CDH12: variants seen among roughly 807,000 people sequenced by gnomAD.
CDH12 encodes the protein cadherin-12.
CDH12 carries 41 observed loss-of-function variants against 74.1 expected under a neutral mutation model. The observed-to-expected ratio is 0.55, with a 90% CI of 0.43 to 0.72. The LOEUF (loss-of-function observed/expected upper bound fraction) is 0.72, where lower values mean the gene tolerates loss of function less well. Ranked by LOEUF, CDH12 falls within the 30% of genes least tolerant of loss-of-function variation. The pLI is 0.00. For synonymous variants in CDH12, 399 were observed against 355.0 expected, an observed-to-expected ratio of 1.12 and a Z score of -1.39; for missense variants, 945 against 977.2, an observed-to-expected ratio of 0.97 and a Z score of 0.44.
intron 1 of CDH12, among the ~76,000 whole-genome samples, chr5:22,632,457 TAA>T (rs960873913): frequency 6.6e-6 from 1 of 151,718 alleles, no homozygotes; most frequent in African/African-American, 2.4e-5. Flanking sequence ...AGAGCAACAA[TAA>T]AGAGATATGA....
intron 4 of CDH12, chr5:22,152,008 G>A (rs1335418177): frequency 1.3e-5 from 2 of 151,906 alleles, no homozygotes; most frequent in Admixed American, 6.6e-5. Flanking sequence ...TAAGCACATA[G>A]CTAACTCCAG....
At chr5:22,388,568 T>G (rs1209709226) in intron 3 of CDH12, among the ~76,000 whole-genome samples, 1 of 152,162 alleles carries the variant, frequency 6.6e-6, no homozygotes, top group Admixed American at 6.5e-5. Flanking sequence ...CATTCATTAT[T>G]TTTTGATAAC....
chr5:22,005,979 G>T (rs1179020850), intron 5 of CDH12, among the ~76,000 whole-genome samples: 7 of 152,060 alleles, frequency 4.6e-5, no homozygotes, highest in African/African-American at 1.7e-4. Flanking sequence ...CTATGGAAAA[G>T]CTTTCTATCC....
At chr5:22,342,107 C>A (rs1739877774) in intron 3 of CDH12, among the ~76,000 whole-genome samples, 1 of 152,040 alleles carries the variant, frequency 6.6e-6, no homozygotes, top group Non-Finnish European at 1.5e-5. Flanking sequence ...GGTCTCAGCT[C>A]TCTTCCTCTT....
chr5:22,843,056 G>A (rs1380935720), intron 1 of CDH12, among the ~76,000 whole-genome samples: 1 of 151,834 alleles, frequency 6.6e-6, no homozygotes, highest in Non-Finnish European at 1.5e-5. Flanking sequence ...ACTTTTCTTG[G>A]CATTAAAGAA....
chr5:22,437,455 C>A (rs1231717201), intron 2 of CDH12, among the ~76,000 whole-genome samples: 3 of 151,106 alleles, frequency 2.0e-5, no homozygotes, highest in African/African-American at 4.9e-5. Context: ...TTAGCGGCCA[C>A]ATTACAACAA....
chr5:22,154,502 CATATATATGT>C (rs1747881794), intron 4 of CDH12, among the ~76,000 whole-genome samples: 1 of 3,446 alleles, frequency 2.9e-4, no homozygotes, highest in African/African-American at 1.0e-3. Context: ...TATATGTACA[CATATATATGT>C]ACACATATAT....
At chr5:22,526,126 G>T (rs1737265504) in intron 1 of CDH12, among the ~76,000 whole-genome samples, 1 of 151,984 alleles carries the variant, frequency 6.6e-6, no homozygotes, top group Admixed American at 6.6e-5. Context: ...TCTATTATAT[G>T]TTAGTCTACT....
Position 22,026,136 on chromosome 5 carries a change from G to T in CDH12, c.232-50751C>A, listed in dbSNP as rs149893153. Among the ~76,000 whole-genome samples the T allele has an allele frequency of 1.6e-3, 238 of 152,204 alleles. 2 individuals are homozygous for T. Among genetic ancestry groups the T allele is most frequent in the Admixed American group, 0.01 (153 of 15,264 alleles). On this transcript the variant is annotated intron_variant, in intron 5 of 14. Transcript: ENST00000382254. ...TGGAATGGTGATTCCTATCCAGAAG[G>T]TTATCAATTTACTTTGCCCAGATCC...
At position 21,946,498 on chromosome 5, in the gene CDH12, C is replaced by T. The variant is rs189252914; in HGVS notation, c.526+28593G>A. On this transcript the variant is annotated intron_variant, in intron 6 of 14. Transcript: ENST00000382254. ...AAAAAGTAGTGATAGTAAAGAGACTCATATGGAAACAAGTTTTCTACACTT... is the reference window on the plus strand; with the variant it reads ...AAAAAGTAGTGATAGTAAAGAGACTTATATGGAAACAAGTTTTCTACACTT... 7.0e-3 allele frequency among the ~76,000 whole-genome samples: 1,068 copies of T among 152,248 alleles called. 12 individuals are homozygous for T. The highest frequency in any genetic ancestry group is 0.024 in the African/African-American group (1,011 of 41,546).
intron 5 of CDH12, among the ~76,000 whole-genome samples, chr5:22,028,579 G>A (rs543002321): frequency 6.6e-6 from 1 of 152,186 alleles, no homozygotes; most frequent in African/African-American, 2.4e-5. Context: ...TCTTCAAGGA[G>A]AACTACAAAC....
chr5:22,625,017 G>T (rs924716269), intron 1 of CDH12, among the ~76,000 whole-genome samples: 2 of 152,098 alleles, frequency 1.3e-5, no homozygotes, highest in South Asian at 4.2e-4. Context: ...GTAGGGACAC[G>T]GATGAAGCTA....
At chr5:22,330,358 G>C (rs1316365838) in intron 3 of CDH12, among the ~76,000 whole-genome samples, 1 of 152,090 alleles carries the variant, frequency 6.6e-6, no homozygotes, top group African/African-American at 2.4e-5. Flanking sequence ...GCAATACCTA[G>C]GGGATATGCC....
At chr5:22,229,814 T>A (rs1752323945) in intron 3 of CDH12, among the ~76,000 whole-genome samples, 1 of 152,064 alleles carries the variant, frequency 6.6e-6, no homozygotes, top group Non-Finnish European at 1.5e-5. Flanking sequence ...TTTGAGTCAA[T>A]AATCCCAGAG....
chr5:22,424,633 T>C lies in CDH12; in HGVS notation c.-427-19282A>G, dbSNP rs981346019. ...AACCAGAGTTAACCGATACACATGG[T>C]ATGTTCCCTCTTCACGGACTCTTCA... On this transcript the variant is annotated intron_variant, in intron 2 of 14. Transcript: ENST00000382254. 9.8e-5 allele frequency among the ~76,000 whole-genome samples: 15 copies of C among 152,328 alleles called. No homozygotes were observed. The South Asian group carries it at 1.0e-3, about 11-fold the overall frequency.
chr5:22,376,816 C>A (rs2126366410), intron 3 of CDH12, among the ~76,000 whole-genome samples: 1 of 151,618 alleles, frequency 6.6e-6, no homozygotes, highest in African/African-American at 2.4e-5. Context: ...AGCCGCTGTA[C>A]CTAGTCACAT....
chr5:22,753,439 GAAA>G (rs879438509), intron 1 of CDH12, among the ~76,000 whole-genome samples: 1 of 128,286 alleles, frequency 7.8e-6, no homozygotes. Flanking sequence ...TGTGTCAGAA[GAAA>G]AAAAAAAAAG....
At chr5:22,190,358 G>GTCTATCTATCTA (rs79679304) in intron 4 of CDH12, among the ~76,000 whole-genome samples, 24 of 119,772 alleles carry the variant, frequency 2.0e-4, no homozygotes, top group Admixed American at 6.1e-4. Context: ...CTGTCTGTCT[G>GTCTATCTATCTA]TCTATCTATC....
intron 11 of CDH12, among the ~76,000 whole-genome samples, chr5:21,778,466 C>CAAAAAAAAAAAAAA (rs70957061): frequency 9.5e-5 from 5 of 52,614 alleles, no homozygotes; most frequent in Admixed American, 3.1e-4. Flanking sequence ...GCATATAAGC[C>CAAAAAAAAAAAAAA]AAAAAAAAAA....
Sources: allele counts gnomAD v4.1 joint callset (sites outside exome capture counted in the v4.1 genomes callset), GRCh38; gene constraint gnomAD v4.1.1; transcripts MANE v1.5; gene names NCBI Gene and HGNC (gene_info 2026-07-23, HGNC 2026-07-21).